Variants in PREX2 observed in about 807,000 individuals in gnomAD.
PREX2 encodes the protein phosphatidylinositol-3,4,5-trisphosphate dependent Rac exchange factor 2.
Under a neutral mutation model 203.2 loss-of-function variants are expected in PREX2, and 107 were observed. The observed-to-expected ratio is 0.53, with a 90% CI of 0.45 to 0.62. PREX2 has a LOEUF of 0.62. Among genes scored for constraint, PREX2 ranks in the 20% least tolerant of loss-of-function variants. The pLI is 0.00. For synonymous variants in PREX2, 672 were observed against 663.6 expected (o/e 1.01, Z -0.19); for missense variants, 1,777 against 1,955.9 (o/e 0.91, Z 1.72).
At chr8:68,058,676 C>T (rs931851227) in intron 10 of PREX2, among the ~76,000 whole-genome samples, 1 of 152,126 alleles carries the variant, frequency 6.6e-6, no homozygotes, top group Non-Finnish European at 1.5e-5. Context: ...CTCAAATGAT[C>T]CATCTGCCTC....
chr8:67,952,634 A>T (rs1585647886), intron 1 of PREX2, 99 bp downstream of exon 1: 1 of 1,497,896 alleles, frequency 6.7e-7, no homozygotes, highest in Non-Finnish European at 9.1e-7. Flanking sequence ...CTGTGCGGGG[A>T]CCCGGGACGG....
Position 68,077,446 on chromosome 8 carries a change from G to A in PREX2, c.1619G>A (p.Cys540Tyr). Residue 540 changes from cysteine (C) to tyrosine (Y), a missense_variant, in exon 15 of 40, where the codon TGT (cysteine) becomes TAT (tyrosine). By Grantham distance (194) the Cys-to-Tyr change is radical (BLOSUM62 -2). Transcript: ENST00000288368. ...EEAMIFGVGL[C>Y]DNGFMHHVLE... ...GCAATGATATTTGGCGTTGGACTCTGTGACAATGGATTTATGCACCATGGT... is the reference window on the plus strand; with the variant it reads ...GCAATGATATTTGGCGTTGGACTCTATGACAATGGATTTATGCACCATGGT... 1 of 1,613,414 alleles carries A rather than the reference G, an allele frequency of 6.2e-7. No individual in the cohort carries two copies. Among genetic ancestry groups the A allele is most frequent in the Non-Finnish European group, 8.5e-7 (1 of 1,179,352 alleles).
intron 2 of PREX2, among the ~76,000 whole-genome samples, chr8:68,018,367 T>G (rs1339957891): frequency 6.6e-6 from 1 of 152,146 alleles, no homozygotes; most frequent in Non-Finnish European, 1.5e-5. Context: ...CTCTCGAGGC[T>G]GAGGCAGGAG....
At chr8:68,023,409 AAC>A (rs1272223114) in intron 4 of PREX2, among the ~76,000 whole-genome samples, 1 of 152,202 alleles carries the variant, frequency 6.6e-6, no homozygotes, top group Non-Finnish European at 1.5e-5. Context: ...TGTGCTTATT[AAC>A]TCTTCATGTC....
At chr8:68,182,192 C>T (rs1812098354) in intron 35 of PREX2, among the ~76,000 whole-genome samples, 1 of 152,102 alleles carries the variant, frequency 6.6e-6, no homozygotes, top group Non-Finnish European at 1.5e-5. Context: ...GAGTTAAGCA[C>T]TTAAAATCTC....
chr8:68,030,797 T>C, intron 6 of PREX2, 139 bp downstream of exon 6: 3 of 796,032 alleles, frequency 3.8e-6, no homozygotes, highest in South Asian at 3.5e-5. Flanking sequence ...TTCTGAAAAG[T>C]GCTCACTTTC....
At chr8:68,154,227 A>G (rs1432331775) in intron 34 of PREX2, among the ~76,000 whole-genome samples, 2 of 152,242 alleles carry the variant, frequency 1.3e-5, no homozygotes, top group Admixed American at 1.3e-4. Flanking sequence ...CATAATCAGT[A>G]TCTCTTTGGA....
chr8:68,083,517 A>G (rs1025760309), intron 18 of PREX2, 129 bp downstream of exon 18: 15 of 570,516 alleles, frequency 2.6e-5, no homozygotes, highest in Middle Eastern at 9.7e-4. Flanking sequence ...CACCGGTATC[A>G]TTAATACTGG....
In PREX2 at chr8:68,080,811, G is replaced by C; in HGVS notation, c.1851G>C (p.Lys617Asn). 1 of 1,549,520 alleles carries C rather than the reference G, an allele frequency of 6.5e-7. No homozygotes were observed. Among genetic ancestry groups the C allele is most frequent in the Non-Finnish European group, 8.9e-7 (1 of 1,126,768 alleles). ...ACAAAAATAAAGTTCCAATAATAAA[G>C]TTGGTAGAAAAGGGATCTAATGCTG... The part of the protein sequence containing the change: ...LEDKNKVPII[K>N]LVEKGSNAEM... Residue 617 changes from lysine (K) to asparagine (N), a missense_variant, in exon 17 of 40, where the codon AAG becomes AAC. By Grantham distance (94) the Lys-to-Asn change is moderately conservative. Coordinates refer to ENST00000288368, the MANE Select transcript of PREX2 (RefSeq NM_024870.4).
rs1172291684 is a variant in PREX2, at chr8:68,109,433, G to T, written c.2956G>T (p.Val986Leu). The change falls in exon 25 of 40, where the codon GTG (valine) becomes TTG (leucine). Residue 986 changes from valine (V) to leucine (L), a missense_variant. Transcript: ENST00000288368. ...SSEQGKLSPM[V>L]YIQHTITTMA... ...TTCCTCAGGGAAACTGAGCCCTATG[G>T]TGTACATTCAGCACACCATCACAAC... is the stretch of plus-strand genomic sequence containing the variant. The T allele has an allele frequency of 4.3e-6, 7 of 1,613,792 alleles. No individual in the cohort carries two copies. In the South Asian group the frequency reaches 7.7e-5, roughly 18 times the overall value.
chr8:68,123,973 C>G (rs551577712), intron 30 of PREX2, among the ~76,000 whole-genome samples: 75 of 152,070 alleles, frequency 4.9e-4, no homozygotes, highest in South Asian at 3.3e-3. Context: ...AAAAAGAAAA[C>G]TTCAGGCCAG....
intron 34 of PREX2, among the ~76,000 whole-genome samples, chr8:68,148,944 G>T (rs1416490570): frequency 6.6e-6 from 1 of 152,210 alleles, no homozygotes; most frequent in Non-Finnish European, 1.5e-5. Flanking sequence ...CCTAGTTTGA[G>T]TAGAGATTAC....
chr8:67,986,533 G>A (rs1806432282), intron 1 of PREX2, among the ~76,000 whole-genome samples: 1 of 152,204 alleles, frequency 6.6e-6, no homozygotes, highest in African/African-American at 2.4e-5. Flanking sequence ...AGACATCTTA[G>A]CTGGATTGGC....
chr8:68,007,851 C>T (rs1272346135), intron 1 of PREX2, among the ~76,000 whole-genome samples: 3 of 152,296 alleles, frequency 2.0e-5, no homozygotes, highest in South Asian at 2.1e-4. Context: ...CCTCATGATC[C>T]GCCCACCTCG....
intron 34 of PREX2, among the ~76,000 whole-genome samples, chr8:68,153,915 A>G (rs1226745499): frequency 6.6e-6 from 1 of 152,258 alleles, no homozygotes; most frequent in African/African-American, 2.4e-5. Context: ...TGTAATGAAA[A>G]TGGAAATTTA....
At chr8:68,191,912 G>C (rs1563581119) in intron 36 of PREX2, 124 bp downstream of exon 36, 1 of 648,256 alleles carries the variant, frequency 1.5e-6, no homozygotes, top group South Asian at 2.0e-5. Flanking sequence ...GAGCTAGTCT[G>C]TCATGAGACA....
intron 15 of PREX2, among the ~76,000 whole-genome samples, chr8:68,079,845 A>G (rs1809459680): frequency 6.6e-6 from 1 of 152,224 alleles, no homozygotes; most frequent in Non-Finnish European, 1.5e-5. Context: ...AGACCTTTCT[A>G]GAAATAAGGT....
At chr8:68,067,107 T>C (rs1247345043) in intron 11 of PREX2, among the ~76,000 whole-genome samples, 1 of 152,126 alleles carries the variant, frequency 6.6e-6, no homozygotes, top group African/African-American at 2.4e-5. Context: ...AGTACCATGC[T>C]GTTTTTATCA....
chr8:68,060,059 A>G (rs2129611321), intron 10 of PREX2, among the ~76,000 whole-genome samples: 1 of 152,330 alleles, frequency 6.6e-6, no homozygotes, highest in East Asian at 1.9e-4. Flanking sequence ...TTAATTACAT[A>G]TGCAAAACTC....
Sources: allele counts gnomAD v4.1 joint callset (sites outside exome capture counted in the v4.1 genomes callset), GRCh38; gene constraint gnomAD v4.1.1; transcripts MANE v1.5; gene names NCBI Gene and HGNC (gene_info 2026-07-23, HGNC 2026-07-21).